Variants in FBXL13 observed in about 807,000 individuals in gnomAD.
FBXL13 encodes the protein F-box and leucine-rich repeat protein 13.
In FBXL13, 67 loss-of-function variants were observed where a neutral mutation model predicts 83.6. The ratio of observed to expected loss-of-function variants is 0.80; its 90% CI spans 0.66 to 0.98. FBXL13 has a LOEUF of 0.98. Among genes scored for constraint, FBXL13 ranks in the 50% least tolerant of loss-of-function variants. The pLI, the probability that FBXL13 is intolerant of heterozygous loss-of-function variation, is 0.00. For missense variants in FBXL13, 822 were observed against 866.5 expected (o/e 0.95, Z 0.64); for synonymous variants, 272 against 299.5 (o/e 0.91, Z 0.95).
chr7:102,960,183 G>A (rs1409542174), intron 8 of FBXL13, among the ~76,000 whole-genome samples: 1 of 151,942 alleles, frequency 6.6e-6, no homozygotes, highest in African/African-American at 2.4e-5. Context: ...CCCCAAAAGA[G>A]TAGTCAAGAA....
At chr7:102,994,391 TAATA>T (rs1829881034) in intron 6 of FBXL13, among the ~76,000 whole-genome samples, 1 of 151,090 alleles carries the variant, frequency 6.6e-6, no homozygotes, top group African/African-American at 2.4e-5. Context: ...CATGAAATAT[TAATA>T]TATATTCTAT....
Position 102,968,012 on chromosome 7 carries a change from A to G in FBXL13, c.591+10T>C, listed in dbSNP as rs1826181176. ...AGTGTAAAGACATAGTTCAGTTAGT[A>G]TCTACTTACAGCATTCCACAGTGAG... is the stretch of plus-strand genomic sequence containing the variant. On this transcript the variant is annotated intron_variant, in intron 7 of 19. Transcript: ENST00000313221. The G allele has an allele frequency of 6.3e-7, 1 of 1,599,610 alleles. No individual in the cohort carries two copies. The highest frequency in any genetic ancestry group is 1.3e-5 in the African/African-American group (1 of 74,654).
At chr7:102,992,580 T>C (rs924341554) in intron 6 of FBXL13, among the ~76,000 whole-genome samples, 1 of 152,184 alleles carries the variant, frequency 6.6e-6, no homozygotes, top group Non-Finnish European at 1.5e-5. Context: ...TCATGAAAAC[T>C]TTAGATCAAA....
intron 8 of FBXL13, among the ~76,000 whole-genome samples, chr7:102,937,656 G>A (rs993948899): frequency 6.6e-6 from 1 of 152,126 alleles, no homozygotes; most frequent in East Asian, 1.9e-4. Context: ...AATTCAAAGG[G>A]AAGAGTCTTG....
intron 7 of FBXL13, among the ~76,000 whole-genome samples, chr7:102,963,909 T>A (rs190202430): frequency 1.3e-5 from 2 of 151,966 alleles, no homozygotes; most frequent in African/African-American, 4.8e-5. Context: ...AACAACCCCA[T>A]AAAAATAGGC....
chr7:102,860,937 TATGA>T (rs1806721761), intron 16 of FBXL13, among the ~76,000 whole-genome samples: 1 of 151,902 alleles, frequency 6.6e-6, no homozygotes, highest in Non-Finnish European at 1.5e-5. Context: ...CATATATATG[TATGA>T]ATAAAATTTT....
chr7:103,038,354 G>A (rs1255895003), intron 2 of FBXL13, among the ~76,000 whole-genome samples: 1 of 152,256 alleles, frequency 6.6e-6, no homozygotes, highest in African/African-American at 2.4e-5. Flanking sequence ...AAGGCCTACT[G>A]CCTCTATAGA....
At chr7:103,016,353 A>T (rs1178920905) in intron 6 of FBXL13, among the ~76,000 whole-genome samples, 1 of 151,946 alleles carries the variant, frequency 6.6e-6, no homozygotes, top group Non-Finnish European at 1.5e-5. Flanking sequence ...ATGGCCGAAT[A>T]GGAACAGCTC....
chr7:102,933,990 T>G, intron 8 of FBXL13: 1 of 1,614,134 alleles, frequency 6.2e-7, no homozygotes, highest in East Asian at 2.2e-5. Flanking sequence ...CCAGGCAGTG[T>G]GAGAAGCCGA....
intron 2 of FBXL13, among the ~76,000 whole-genome samples, chr7:103,041,075 A>C (rs569206606): frequency 3.3e-5 from 5 of 152,138 alleles, no homozygotes; most frequent in Non-Finnish European, 7.4e-5. Context: ...TGATAGACCG[A>C]TAGCAAGACT....
intron 2 of FBXL13, among the ~76,000 whole-genome samples, chr7:103,038,614 G>A (rs1795326108): frequency 6.6e-6 from 1 of 152,202 alleles, no homozygotes; most frequent in Non-Finnish European, 1.5e-5. Context: ...GAAGCTTCCA[G>A]AGGAAGGATC....
chr7:102,945,479 A>C (rs1822317651), intron 8 of FBXL13, among the ~76,000 whole-genome samples: 1 of 152,138 alleles, frequency 6.6e-6, no homozygotes, highest in African/African-American at 2.4e-5. Context: ...ATTTGGGATG[A>C]AGCCAGAATA....
chr7:102,831,680 G>A (rs1490478013), intron 18 of FBXL13, among the ~76,000 whole-genome samples: 1 of 152,076 alleles, frequency 6.6e-6, no homozygotes, highest in East Asian at 1.9e-4. Flanking sequence ...TGAAGATTGT[G>A]GTGTAAATCA....
intron 8 of FBXL13, among the ~76,000 whole-genome samples, chr7:102,958,385 G>T (rs1345967803): frequency 6.6e-6 from 1 of 151,838 alleles, no homozygotes; most frequent in African/African-American, 2.4e-5. Flanking sequence ...GGGGTCTGTT[G>T]GGGGTGGTGG....
chr7:102,980,253 G>GATAGACAT (rs1325288976), intron 6 of FBXL13, among the ~76,000 whole-genome samples: 1 of 152,150 alleles, frequency 6.6e-6, no homozygotes, highest in Non-Finnish European at 1.5e-5. Context: ...CAAGGTACAG[G>GATAGACAT]ATAGACATAT....
chr7:102,917,670 G>A (rs945750174), intron 10 of FBXL13, among the ~76,000 whole-genome samples: 2 of 152,116 alleles, frequency 1.3e-5, no homozygotes, highest in Non-Finnish European at 2.9e-5. Context: ...GAATGTCAAC[G>A]AAGAGTAAGG....
At position 102,910,352 on chromosome 7, in the gene FBXL13, T is replaced by C. The variant is rs143977475; in HGVS notation, c.1008+2734A>G. 6.0e-3 allele frequency among the ~76,000 whole-genome samples: 921 copies of C among 152,280 alleles called. 13 individuals are homozygous for C. The highest frequency in any genetic ancestry group is 0.021 in the African/African-American group (889 of 41,538). The stretch of plus-strand genomic sequence containing the variant: ...GGTACGATGACTGCTCATCTGATTT[T>C]TGGTTCTTATGAAGGTGTTTTTTCT... On this transcript the variant is annotated intron_variant, in intron 11 of 19. Coordinates refer to ENST00000313221, the Ensembl canonical transcript of FBXL13.
chr7:102,928,009 C>A (rs1442815999), intron 9 of FBXL13, among the ~76,000 whole-genome samples: 5 of 152,128 alleles, frequency 3.3e-5, no homozygotes, highest in Admixed American at 3.3e-4. Flanking sequence ...AGAGAGGCAG[C>A]CACAAAGATG....
chr7:102,851,012 C>G (rs1446471803), intron 17 of FBXL13, among the ~76,000 whole-genome samples: 3 of 152,324 alleles, frequency 2.0e-5, no homozygotes, highest in Non-Finnish European at 4.4e-5. Context: ...CCATTCAGAA[C>G]AGCAGTTCTC....
Sources: allele counts gnomAD v4.1 joint callset (sites outside exome capture counted in the v4.1 genomes callset), GRCh38; gene constraint gnomAD v4.1.1; transcripts MANE v1.5; gene names NCBI Gene and HGNC (gene_info 2026-07-23, HGNC 2026-07-21).